The following PPP4R3A variants were observed in gnomAD, a reference collection of about 807,000 sequenced individuals.
PPP4R3A encodes protein phosphatase 4 regulatory subunit 3A.
In PPP4R3A, 15 loss-of-function variants were observed where a neutral mutation model predicts 91.7. The observed-to-expected ratio is 0.16, with a 90% CI of 0.11 to 0.25. The LOEUF is 0.25. Among genes scored for constraint, PPP4R3A ranks in the 10% least tolerant of loss-of-function variants. The pLI is 1.00. For missense variants in PPP4R3A, 623 were observed against 998.4 expected (o/e 0.62, Z 5.07); for synonymous variants, 377 against 348.7 (o/e 1.08, Z -0.91).
At chr14:91,487,620 G>A (rs1473652292) in intron 2 of PPP4R3A, among the ~76,000 whole-genome samples, 1 of 152,190 alleles carries the variant, frequency 6.6e-6, no homozygotes, top group Non-Finnish European at 1.5e-5. Context: ...TTCCTGTATT[G>A]AGAAGGAAAG....
intron 4 of PPP4R3A, among the ~76,000 whole-genome samples, chr14:91,477,287 A>C (rs1399834411): frequency 1.3e-5 from 2 of 152,204 alleles, no homozygotes; most frequent in Non-Finnish European, 2.9e-5. Context: ...GTAGTCACAG[A>C]CAACTGGAAA....
Position 91,461,392 on chromosome 14 carries a change from T to C in PPP4R3A, c.2380A>G (p.Ile794Val), listed in dbSNP as rs754768561. 1.4e-5 allele frequency: 23 copies of C among 1,606,734 alleles called. No homozygotes were observed. Among genetic ancestry groups the C allele is most frequent in the Non-Finnish European group, 1.8e-5 (21 of 1,173,652 alleles). The change falls in exon 14 of 15, where the codon ATT becomes GTT. Residue 794 changes from isoleucine (I) to valine (V), a missense_variant. This residue lies in a region of PPP4R3A where 201 missense variants were observed against 229.9 expected (regional missense o/e 0.87). Transcript: ENST00000554943. The stretch of plus-strand genomic sequence containing the variant: ...AGTCAAGAATGTACCTTTGTAGTAA[T>C]AGCTGCCGTCTGAGATGTATTTTTA... ...VPKNTSQTAA[I>V]TTKGGLVGLV...
intron 3 of PPP4R3A, 98 bp from the exon 4 acceptor site, chr14:91,482,291 C>G (rs749964440): frequency 1.2e-5 from 15 of 1,303,792 alleles, no homozygotes; most frequent in African/African-American, 1.5e-5. Flanking sequence ...TGTAAGAAAC[C>G]TATAATGGTC....
chr14:91,509,609 G>A lies in PPP4R3A; in HGVS notation c.39C>T (p.Leu13=), dbSNP rs776036065. The A allele has an allele frequency of 3.1e-6, 5 of 1,602,844 alleles. No individual in the cohort carries two copies. Among genetic ancestry groups the A allele is most frequent in the Non-Finnish European group, 3.4e-6 (4 of 1,179,484 alleles). The change falls in exon 1 of 15, where the codon CTC becomes CTT. Residue 13 remains leucine (L), a synonymous_variant. Coordinates refer to ENST00000554943, the MANE Select transcript of PPP4R3A (RefSeq NM_001366432.2). ...DTRRRVKVYT[L]NEDRQWDDRG... ...GGTCGTCCCACTGCCGGTCCTCGTT[G>A]AGCGTGTACACCTTCACCCGCCGCC... is the stretch of plus-strand genomic sequence containing the variant.
chr14:91,485,549 A>T, intron 3 of PPP4R3A, 83 bp downstream of exon 3: 1 of 891,042 alleles, frequency 1.1e-6, no homozygotes, highest in Non-Finnish European at 1.7e-6. Flanking sequence ...AAATTTATTT[A>T]AACTCTTGGG....
In PPP4R3A at chr14:91,458,991, G is replaced by A. The variant is rs867217626; in HGVS notation, c.2392-122C>T. ...TAGTAACGGTGGTTATTTCTGGGTG[G>A]TGGGACTGTGTTAAACTTCAATTCA... On this transcript the variant is annotated intron_variant, in intron 14 of 14. Coordinates refer to ENST00000554943, the MANE Select transcript of PPP4R3A (RefSeq NM_001366432.2). 9.1e-5 allele frequency: 102 copies of A among 1,121,290 alleles called. 1 individual carries two copies. In the Middle Eastern group the frequency reaches 3.7e-3, roughly 40 times the overall value. The allele number at this position is 1,121,290 out of a possible 1,614,324, so 69.5% of individuals were successfully genotyped here.
In PPP4R3A at chr14:91,473,177, G is replaced by C. The variant is rs751229256; in HGVS notation, c.1399-42C>G. 10 of 1,613,066 alleles carry C rather than the reference G, an allele frequency of 6.2e-6. No individual in the cohort carries two copies. The East Asian group carries it at 2.2e-4, about 36-fold the overall frequency. Reference sequence around the variant, plus strand: ...AATTCCATGAACTTTAACCACACTGGTTCCTACCAGCAATACACAATATAC... The same window carrying C: ...AATTCCATGAACTTTAACCACACTGCTTCCTACCAGCAATACACAATATAC... On this transcript the variant is annotated intron_variant, in intron 8 of 14. Coordinates refer to ENST00000554943, the MANE Select transcript of PPP4R3A (RefSeq NM_001366432.2).
chr14:91,482,252 T>G, intron 3 of PPP4R3A, 59 bp from the exon 4 acceptor site: 1 of 1,502,148 alleles, frequency 6.7e-7, no homozygotes, highest in Non-Finnish European at 8.9e-7. Flanking sequence ...CAAACCTAAA[T>G]GCTACTCTAA....
At chr14:91,492,671 T>C (rs571916227) in intron 1 of PPP4R3A, among the ~76,000 whole-genome samples, 1 of 151,892 alleles carries the variant, frequency 6.6e-6, no homozygotes, top group South Asian at 2.1e-4. Context: ...CACCATATTA[T>C]TTTTTCCCAC....
At chr14:91,461,764 A>G in intron 13 of PPP4R3A, 157 bp from the exon 14 acceptor site, 1 of 853,648 alleles carries the variant, frequency 1.2e-6, no homozygotes, top group South Asian at 1.9e-5. Flanking sequence ...ACTAACCACA[A>G]TTCCATTCAT....
chr14:91,490,701 C>T, intron 2 of PPP4R3A, 46 bp downstream of exon 2: 1 of 1,503,962 alleles, frequency 6.6e-7, no homozygotes. Flanking sequence ...CTTTCATTTA[C>T]TCAAAAGGAA....
intron 1 of PPP4R3A, among the ~76,000 whole-genome samples, chr14:91,497,939 A>G (rs889391457): frequency 4.6e-5 from 7 of 152,106 alleles, no homozygotes; most frequent in African/African-American, 1.7e-4. Context: ...TGCCTTTTCC[A>G]CCATTAATTC....
At chr14:91,473,168 A>G in intron 8 of PPP4R3A, 33 bp from the exon 9 acceptor site, 4 of 1,613,636 alleles carry the variant, frequency 2.5e-6, no homozygotes, top group Non-Finnish European at 3.4e-6. Flanking sequence ...ATGAACTTTA[A>G]CCACACTGGT....
In PPP4R3A at chr14:91,475,595, A is replaced by G. The variant is rs1595061711; in HGVS notation, c.1266+216T>C. 7.0e-6 allele frequency: 3 copies of G among 426,110 alleles called. No individual in the cohort carries two copies. In the East Asian group the frequency reaches 1.2e-4, roughly 17 times the overall value. 26.4% of individuals were successfully genotyped at this position (426,110 alleles called of 1,614,324 possible). ...CAAAACAAAACAAAAAAAAACTGAC[A>G]TGAATATTTTAAAAGGCAATTTAAA... On this transcript the variant is annotated intron_variant, in intron 7 of 14. Transcript: ENST00000554943.
chr14:91,496,703 A>C (rs754884229), intron 1 of PPP4R3A, among the ~76,000 whole-genome samples: 3 of 152,184 alleles, frequency 2.0e-5, no homozygotes, highest in Non-Finnish European at 4.4e-5. Context: ...GCCATATCAC[A>C]GTTTTGGTCT....
At chr14:91,506,294 C>T (rs1891290100) in intron 1 of PPP4R3A, among the ~76,000 whole-genome samples, 1 of 152,144 alleles carries the variant, frequency 6.6e-6, no homozygotes, top group Non-Finnish European at 1.5e-5. Flanking sequence ...TTGAAATAAA[C>T]CTTCAGGCTA....
At position 91,470,961 on chromosome 14, in the gene PPP4R3A, T is replaced by C; in HGVS notation, c.1536A>G (p.Val512=). ...DFQTAQLLAL[V]LELLTFCVEH... ...CCACACAAAATGTTAACAATTCCAA[T>C]ACAAGTGCCAATAGTTGGGCAGTCT... The change falls in exon 10 of 15, where the codon GTA becomes GTG. Residue 512 remains valine (V), a synonymous_variant. Coordinates refer to ENST00000554943, the MANE Select transcript of PPP4R3A (RefSeq NM_001366432.2). 1 of 1,605,644 alleles carries C rather than the reference T, an allele frequency of 6.2e-7. No homozygotes were observed. Among genetic ancestry groups the C allele is most frequent in the South Asian group, 1.1e-5 (1 of 88,304 alleles).
At chr14:91,472,211 T>G (rs1888889899) in intron 9 of PPP4R3A, among the ~76,000 whole-genome samples, 1 of 151,736 alleles carries the variant, frequency 6.6e-6, no homozygotes, top group African/African-American at 2.4e-5. Flanking sequence ...ATGAATATAA[T>G]ACAAAAATAA....
At chr14:91,485,813 G>C in intron 2 of PPP4R3A, 83 bp from the exon 3 acceptor site, 1 of 932,268 alleles carries the variant, frequency 1.1e-6, no homozygotes, top group Non-Finnish European at 1.6e-6. Context: ...ATAAAACTGT[G>C]CTCATTTTTA....
Sources: gnomAD v4.1 joint callset for allele counts (sites outside exome capture counted in the v4.1 genomes callset) on GRCh38, gnomAD v4.1.1 for gene constraint, gnomAD v4.1.1 regional missense constraint, MANE v1.5 for transcripts, NCBI Gene and HGNC (gene_info 2026-07-23, HGNC 2026-07-21) for gene names.